Variants in ATE1 observed in about 807,000 individuals in gnomAD.
The protein encoded by ATE1 is arginyl-tRNA--protein transferase 1.
A neutral mutation model predicts 70.5 loss-of-function variants in ATE1; 36 were observed. That is an observed-to-expected ratio of 0.51 (90% CI 0.39 to 0.67). The LOEUF is 0.67. ATE1 is among the 30% of genes least tolerant of loss of function. ATE1 has a pLI of 0.00. For synonymous variants in ATE1, 232 were observed against 219.3 expected (o/e 1.06, Z -0.51); for missense variants, 593 against 629.5 (o/e 0.94, Z 0.62).
chr10:121,917,881 A>G (rs972682746), intron 3 of ATE1, among the ~76,000 whole-genome samples: 1 of 152,228 alleles, frequency 6.6e-6, no homozygotes, highest in Non-Finnish European at 1.5e-5. Flanking sequence ...AGAAAAGTTC[A>G]TCCTCATTTA....
chr10:121,791,096 A>ATTTTTTTT (rs10584053), intron 10 of ATE1, among the ~76,000 whole-genome samples: 1 of 94,424 alleles, frequency 1.1e-5, no homozygotes, highest in African/African-American at 5.0e-5. Context: ...GTGTATATAT[A>ATTTTTTTT]TTTTTTTTTT....
intron 1 of ATE1, 84 bp from the exon 2 acceptor site, chr10:121,924,413 G>A: frequency 7.4e-7 from 1 of 1,347,496 alleles, no homozygotes; most frequent in Non-Finnish European, 1.1e-6. Flanking sequence ...AAAAATAGGA[G>A]TGTGTGTCCG....
At chr10:121,799,306 G>A (rs1946782619) in intron 10 of ATE1, among the ~76,000 whole-genome samples, 1 of 152,140 alleles carries the variant, frequency 6.6e-6, no homozygotes, top group Non-Finnish European at 1.5e-5. Context: ...ACAGCAACAA[G>A]AGCTGTCAAC....
At chr10:121,807,159 T>C (rs1647506838) in intron 10 of ATE1, among the ~76,000 whole-genome samples, 1 of 152,214 alleles carries the variant, frequency 6.6e-6, no homozygotes, top group African/African-American at 2.4e-5. Context: ...ATATTTGCTT[T>C]CCCAAGATAT....
At chr10:121,821,356 C>A (rs1947791085) in intron 10 of ATE1, among the ~76,000 whole-genome samples, 1 of 152,150 alleles carries the variant, frequency 6.6e-6, no homozygotes, top group African/African-American at 2.4e-5. Context: ...TTAGAAATTT[C>A]TGCTCATCAA....
In ATE1 at chr10:121,743,777, T is replaced by C; in HGVS notation, c.1460A>G (p.Lys487Arg). Residue 487 changes from lysine (K) to arginine (R), a missense_variant, in exon 12 of 12, where the codon AAA (lysine) becomes AGA (arginine). This residue lies in a region of ATE1 where 90 missense variants were observed against 93.7 expected (regional missense o/e 0.96). Transcript: ENST00000224652. ...CTCCTCACTTGGGTCTTTCTGCTGT[T>C]TCTTATAAACACCGTAAGGCATGAT... is the stretch of plus-strand genomic sequence containing the variant. ...RAIMPYGVYK[K>R]QQKDPSEEAA... The C allele has an allele frequency of 6.2e-7, 1 of 1,614,130 alleles. No homozygotes were observed. Among genetic ancestry groups the C allele is most frequent in the Non-Finnish European group, 8.5e-7 (1 of 1,180,014 alleles).
intron 8 of ATE1, 102 bp from the exon 9 acceptor site, chr10:121,841,365 T>C (rs1490220524): frequency 1.2e-6 from 1 of 857,808 alleles, no homozygotes. Flanking sequence ...GTCCTTAACT[T>C]TCCTCTTTGT....
At chr10:121,922,447 T>C (rs10887023) in intron 2 of ATE1, 36 bp from the exon 3 acceptor site, 448,533 of 1,333,566 alleles carry the variant, frequency 0.34, 78,493 homozygotes, top group South Asian at 0.43. Flanking sequence ...ATGTCTTATA[T>C]ATTTTTCACT....
chr10:121,897,783 G>A (rs1004711957), intron 7 of ATE1, among the ~76,000 whole-genome samples: 3 of 147,232 alleles, frequency 2.0e-5, no homozygotes, highest in African/African-American at 5.0e-5. Context: ...CAGAGATTGC[G>A]CCACTGCACT....
At chr10:121,745,545 T>A (rs1025797103) in intron 11 of ATE1, among the ~76,000 whole-genome samples, 1 of 151,632 alleles carries the variant, frequency 6.6e-6, no homozygotes, top group South Asian at 2.1e-4. Context: ...TGAAACCCCG[T>A]CTCTACTAAA....
chr10:121,822,259 T>C (rs1030694390), intron 10 of ATE1, among the ~76,000 whole-genome samples: 7 of 152,176 alleles, frequency 4.6e-5, no homozygotes, highest in African/African-American at 1.4e-4. Flanking sequence ...CTCACAAAGA[T>C]AATGTTGAGT....
intron 10 of ATE1, among the ~76,000 whole-genome samples, chr10:121,812,941 C>G (rs1342340730): frequency 1.3e-5 from 2 of 152,204 alleles, no homozygotes; most frequent in Non-Finnish European, 2.9e-5. Context: ...TCCTCTGTTT[C>G]TTAGATAGGA....
At chr10:121,866,086 T>C (rs1290757044) in intron 8 of ATE1, among the ~76,000 whole-genome samples, 1 of 152,226 alleles carries the variant, frequency 6.6e-6, no homozygotes, top group Non-Finnish European at 1.5e-5. Context: ...AGCTAAGTCA[T>C]AAGCTTAATG....
chr10:121,774,531 A>G (rs1481938153), intron 11 of ATE1, among the ~76,000 whole-genome samples: 1 of 152,242 alleles, frequency 6.6e-6, no homozygotes, highest in Non-Finnish European at 1.5e-5. Flanking sequence ...TTATAAGGTC[A>G]GTACAGATGG....
chr10:121,814,160 C>T (rs1274032967), intron 10 of ATE1, among the ~76,000 whole-genome samples: 1 of 152,110 alleles, frequency 6.6e-6, no homozygotes, highest in African/African-American at 2.4e-5. Flanking sequence ...CACAAATGCA[C>T]ACCTCTCAAT....
intron 7 of ATE1, among the ~76,000 whole-genome samples, chr10:121,878,865 A>G (rs1314171728): frequency 6.6e-6 from 1 of 152,126 alleles, no homozygotes; most frequent in African/African-American, 2.4e-5. Context: ...TACCATCAGA[A>G]CCTCAAAACC....
intron 3 of ATE1, among the ~76,000 whole-genome samples, chr10:121,917,147 C>G (rs7077302): frequency 0.9 from 136,297 of 151,864 alleles, 61,313 homozygotes; most frequent in Middle Eastern, 0.96. Context: ...TGGGCAACAA[C>G]AGCAAAACTC....
chr10:121,902,198 A>G (rs1416265075), intron 6 of ATE1, among the ~76,000 whole-genome samples, 193 bp downstream of exon 6: 1 of 152,226 alleles, frequency 6.6e-6, no homozygotes, highest in Non-Finnish European at 1.5e-5. Flanking sequence ...TTAAAAAAAA[A>G]GGAGTTTCCC....
intron 7 of ATE1, among the ~76,000 whole-genome samples, chr10:121,890,762 G>C (rs1033652244): frequency 1.3e-5 from 2 of 152,052 alleles, no homozygotes; most frequent in African/African-American, 4.8e-5. Flanking sequence ...CTATCACATA[G>C]AATTACTGGT....
Sources: allele counts gnomAD v4.1 joint callset (sites outside exome capture counted in the v4.1 genomes callset), GRCh38; gene constraint gnomAD v4.1.1; regional missense constraint gnomAD v4.1.1; transcripts MANE v1.5; gene names NCBI Gene and HGNC (gene_info 2026-07-23, HGNC 2026-07-21).